EPHA6: variants seen among roughly 807,000 people sequenced by gnomAD.
EPHA6 encodes EPH receptor A6, also known as ephrin type-A receptor 6.
A neutral mutation model predicts 112.0 loss-of-function variants in EPHA6; 50 were observed. The ratio of observed to expected loss-of-function variants is 0.45; its 90% confidence interval spans 0.36 to 0.56. The LOEUF (loss-of-function observed/expected upper bound fraction) is 0.56, where lower values mean the gene tolerates loss of function less well. Among genes scored for constraint, EPHA6 ranks in the 20% least tolerant of loss-of-function variants. EPHA6 has a pLI of 0.00. For synonymous variants in EPHA6, 529 were observed against 490.7 expected (o/e 1.08, Z -1.03); for missense variants, 1,280 against 1,417.4 (o/e 0.90, Z 1.56).
intron 7 of EPHA6, among the ~76,000 whole-genome samples, chr3:97,469,831 C>T (rs973136573): frequency 1.5e-4 from 22 of 151,612 alleles, no homozygotes; most frequent in African/African-American, 4.6e-4. Context: ...TGAAGAGATA[C>T]TGTGGAAAGG....
chr3:97,037,026 C>G (rs1042597806), intron 3 of EPHA6, among the ~76,000 whole-genome samples: 16 of 151,882 alleles, frequency 1.1e-4, no homozygotes, highest in African/African-American at 3.9e-4. Context: ...TTTAAGTATA[C>G]TAATGAGGCA....
chr3:97,140,542 CA>C (rs1195355746), intron 3 of EPHA6, among the ~76,000 whole-genome samples: 1 of 152,000 alleles, frequency 6.6e-6, no homozygotes, highest in Non-Finnish European at 1.5e-5. Flanking sequence ...TTCTTAAAGA[CA>C]AAAAATGCCA....
chr3:97,293,015 G>T (rs2080747248), intron 5 of EPHA6, among the ~76,000 whole-genome samples: 3 of 152,104 alleles, frequency 2.0e-5, no homozygotes, highest in Admixed American at 6.5e-5. Context: ...CTTCAGGCAG[G>T]TCATCCTGGT....
chr3:96,850,370 C>T (rs2035310315), intron 1 of EPHA6, among the ~76,000 whole-genome samples: 1 of 151,978 alleles, frequency 6.6e-6, no homozygotes, highest in South Asian at 2.1e-4. Context: ...TATTTCATCG[C>T]CTGGAAGTGC....
chr3:97,507,834 C>G (rs190345680), intron 10 of EPHA6, among the ~76,000 whole-genome samples: 14 of 152,136 alleles, frequency 9.2e-5, no homozygotes, highest in African/African-American at 3.4e-4. Flanking sequence ...GCCTGAATTT[C>G]AGAACTTGTT....
At chr3:97,128,658 G>A (rs1036986150) in intron 3 of EPHA6, among the ~76,000 whole-genome samples, 3 of 151,914 alleles carry the variant, frequency 2.0e-5, no homozygotes, top group Non-Finnish European at 4.4e-5. Context: ...GGAACCGCAG[G>A]CACAGAGCCA....
chr3:97,202,565 C>A (rs1477909962), intron 3 of EPHA6, among the ~76,000 whole-genome samples: 1 of 152,010 alleles, frequency 6.6e-6, no homozygotes, highest in Non-Finnish European at 1.5e-5. Context: ...AACTCCTGAC[C>A]TCAAGTGATC....
At chr3:96,894,321 T>G (rs1344803830) in intron 2 of EPHA6, among the ~76,000 whole-genome samples, 1 of 152,094 alleles carries the variant, frequency 6.6e-6, no homozygotes, top group African/African-American at 2.4e-5. Context: ...TAACATACTT[T>G]TAAATTTTTT....
At chr3:97,643,590 G>C (rs960800584) in intron 14 of EPHA6, among the ~76,000 whole-genome samples, 1 of 149,344 alleles carries the variant, frequency 6.7e-6, no homozygotes, top group African/African-American at 2.5e-5. Context: ...TAAAAGGATG[G>C]AGGAAGATCT....
chr3:97,240,189 TA>T (rs2078802783), intron 4 of EPHA6, among the ~76,000 whole-genome samples: 2 of 151,910 alleles, frequency 1.3e-5, no homozygotes, highest in African/African-American at 4.8e-5. Flanking sequence ...TATGTATCAA[TA>T]TCATATCAGT....
chr3:96,818,096 ATT>A (rs2032946543), intron 1 of EPHA6, among the ~76,000 whole-genome samples: 1 of 151,744 alleles, frequency 6.6e-6, no homozygotes, highest in Non-Finnish European at 1.5e-5. Context: ...CACAGTATTA[ATT>A]AAGTGTTGGA....
intron 11 of EPHA6, among the ~76,000 whole-genome samples, chr3:97,534,460 CT>C (rs558458660): frequency 0.017 from 2,265 of 136,510 alleles, 29 homozygotes; most frequent in African/African-American, 0.034. Flanking sequence ...CCACCCCCCC[CT>C]TTTTTTTTTT....
At chr3:97,114,809 A>G (rs1232053394) in intron 3 of EPHA6, among the ~76,000 whole-genome samples, 2 of 152,074 alleles carry the variant, frequency 1.3e-5, no homozygotes, top group African/African-American at 4.8e-5. Context: ...TTTTCTCTCA[A>G]CATTCTCACA....
chr3:97,434,871 C>G (rs964383584), intron 6 of EPHA6, among the ~76,000 whole-genome samples: 2 of 151,924 alleles, frequency 1.3e-5, no homozygotes, highest in African/African-American at 4.8e-5. Flanking sequence ...TCTCTCTCAC[C>G]TCTCTTTCTT....
At chr3:97,258,249 TATAC>T (rs766973282) in intron 5 of EPHA6, among the ~76,000 whole-genome samples, 118 of 148,546 alleles carry the variant, frequency 7.9e-4, no homozygotes, top group African/African-American at 2.9e-3. Context: ...AGTATATATA[TATAC>T]ACACACACAC....
intron 14 of EPHA6, among the ~76,000 whole-genome samples, chr3:97,716,215 A>G (rs1222404880): frequency 6.6e-6 from 1 of 152,232 alleles, no homozygotes; most frequent in Non-Finnish European, 1.5e-5. Context: ...CATGGGCAAA[A>G]ATATGTAGAT....
In EPHA6 at chr3:97,413,188, G is replaced by A. The variant is rs149386670; in HGVS notation, c.1731+7914G>A. Among the ~76,000 whole-genome samples the A allele has an allele frequency of 2.4e-3, 372 of 151,920 alleles. 3 individuals carry two copies. The highest frequency in any genetic ancestry group is 8.1e-3 in the African/African-American group (336 of 41,444). On this transcript the variant is annotated intron_variant, in intron 6 of 17. Transcript: ENST00000389672. ...CAGCCTTCAAAAAACTACTCTTCCA[G>A]CAAAGAAAAATGTAAATATAATGTT...
intron 3 of EPHA6, among the ~76,000 whole-genome samples, chr3:97,126,241 A>G (rs907630365): frequency 4.6e-5 from 7 of 152,008 alleles, no homozygotes; most frequent in Non-Finnish European, 1.0e-4. Flanking sequence ...TGTTACCCCC[A>G]CCTGATTCTA....
chr3:97,525,040 C>T (rs2092599178), intron 10 of EPHA6, among the ~76,000 whole-genome samples: 1 of 151,996 alleles, frequency 6.6e-6, no homozygotes, highest in African/African-American at 2.4e-5. Flanking sequence ...TGTTCATATC[C>T]CTCCCAAGAT....
Sources: gnomAD v4.1 joint callset for allele counts (sites outside exome capture counted in the v4.1 genomes callset) on GRCh38, gnomAD v4.1.1 for gene constraint, MANE v1.5 for transcripts, NCBI Gene and HGNC (gene_info 2026-07-23, HGNC 2026-07-21) for gene names.